Variants in ST6GALNAC3 observed in about 807,000 individuals in gnomAD.
ST6GALNAC3 encodes ST6 N-acetylgalactosaminide alpha-2,6-sialyltransferase 3.
In ST6GALNAC3, 25 loss-of-function variants were observed where a neutral mutation model predicts 32.7. The observed-to-expected ratio is 0.76, with a 90% confidence interval of 0.56 to 1.07. The LOEUF is 1.07. Among genes scored for constraint, ST6GALNAC3 ranks in the 50% least tolerant of loss-of-function variants. The pLI is 0.00. For missense variants in ST6GALNAC3, 355 were observed against 382.4 expected (o/e 0.93, Z 0.60); for synonymous variants, 129 against 133.1 (o/e 0.97, Z 0.21).
At chr1:76,497,792 T>G (rs1015407031) in intron 3 of ST6GALNAC3, among the ~76,000 whole-genome samples, 2 of 152,188 alleles carry the variant, frequency 1.3e-5, no homozygotes, top group Non-Finnish European at 2.9e-5. Context: ...TCTCAACGGC[T>G]GAAGACTGAT....
At chr1:76,352,687 A>G (rs1342196139) in intron 2 of ST6GALNAC3, among the ~76,000 whole-genome samples, 2 of 151,968 alleles carry the variant, frequency 1.3e-5, no homozygotes, top group Non-Finnish European at 2.9e-5. Context: ...TGACTTGTAT[A>G]TTCCATTACC....
chr1:76,585,875 T>C lies in ST6GALNAC3; in HGVS notation c.624-41577T>C, dbSNP rs117928624. On this transcript the variant is annotated intron_variant, in intron 3 of 4. Coordinates refer to ENST00000328299, the MANE Select transcript of ST6GALNAC3 (RefSeq NM_152996.4). ...ATTATGCATCTCAAAGTCTGTGGCA[T>C]TGAGAAGTCACTGGCCTGGAATACC... Among the ~76,000 whole-genome samples the C allele has an allele frequency of 1.6e-3, 242 of 152,312 alleles. 3 individuals are homozygous for C. Among genetic ancestry groups the C allele is most frequent in the East Asian group, 0.013 (67 of 5,180 alleles).
At chr1:76,413,042 T>A in intron 3 of ST6GALNAC3, 1 of 316,344 alleles carries the variant, frequency 3.2e-6, no homozygotes, top group South Asian at 2.7e-5. Flanking sequence ...AAAACCAATT[T>A]GCATTTTTTA....
At chr1:76,371,500 G>T (rs1235956591) in intron 2 of ST6GALNAC3, among the ~76,000 whole-genome samples, 1 of 152,166 alleles carries the variant, frequency 6.6e-6, no homozygotes, top group Non-Finnish European at 1.5e-5. Context: ...ATATGTTGGA[G>T]ACAGAAAAGC....
At chr1:76,627,422 T>C (rs1350904369) in intron 3 of ST6GALNAC3, 30 bp from the exon 4 acceptor site, 5 of 1,421,666 alleles carry the variant, frequency 3.5e-6, no homozygotes, top group Non-Finnish European at 5.0e-6. Flanking sequence ...TTTTGTTCTG[T>C]TTGTTATTGT....
intron 1 of ST6GALNAC3, among the ~76,000 whole-genome samples, chr1:76,257,435 A>G (rs1657982668): frequency 6.6e-6 from 1 of 152,120 alleles, no homozygotes; most frequent in African/African-American, 2.4e-5. Context: ...ATTCTGATTT[A>G]GTACATTTGG....
Position 76,625,800 on chromosome 1 carries a change from C to A in ST6GALNAC3, c.624-1652C>A, listed in dbSNP as rs768158157. ...CATCTATTGCTGCCCCATGTTGCTG[C>A]TACTGTCACAGAGGAAAGTGCATGT... On this transcript the variant is annotated intron_variant, in intron 3 of 4. Transcript: ENST00000328299. 9.3e-4 allele frequency among the ~76,000 whole-genome samples: 142 copies of A among 152,000 alleles called. 1 individual carries two copies. The highest frequency in any genetic ancestry group is 2.5e-4 in the Non-Finnish European group (17 of 67,888).
chr1:76,363,513 C>T (rs1480905398), intron 2 of ST6GALNAC3, among the ~76,000 whole-genome samples: 3 of 152,174 alleles, frequency 2.0e-5, no homozygotes, highest in African/African-American at 7.2e-5. Context: ...CTTCTGAGCC[C>T]TCCAACTGTT....
chr1:76,538,049 G>A (rs1663735155), intron 3 of ST6GALNAC3, among the ~76,000 whole-genome samples: 2 of 151,926 alleles, frequency 1.3e-5, no homozygotes, highest in Non-Finnish European at 2.9e-5. Context: ...TACCAAGACA[G>A]GGAAGAAGCA....
In ST6GALNAC3 at chr1:76,361,008, T is replaced by A. The variant is rs192728231; in HGVS notation, c.213+47009T>A. On this transcript the variant is annotated intron_variant, in intron 2 of 4. Transcript: ENST00000328299. ...CATGGACCTCTGATTTCTCTCCAAA[T>A]GAGTGATGAATTAAATGTAAATAAG... Among the ~76,000 whole-genome samples, 25 of 152,174 alleles carry A rather than the reference T, an allele frequency of 1.6e-4. No individual in the cohort carries two copies. The East Asian group carries it at 4.4e-3, about 27-fold the overall frequency.
At chr1:76,137,679 T>A (rs1426428687) in intron 1 of ST6GALNAC3, among the ~76,000 whole-genome samples, 1 of 149,818 alleles carries the variant, frequency 6.7e-6, no homozygotes, top group East Asian at 1.9e-4. Context: ...TAAGTTGCAG[T>A]CATGTCCCTG....
At chr1:76,480,086 G>C (rs1659624241) in intron 3 of ST6GALNAC3, among the ~76,000 whole-genome samples, 1 of 152,106 alleles carries the variant, frequency 6.6e-6, no homozygotes. Context: ...GGAAATAATA[G>C]AGAAAGATTA....
At chr1:76,484,633 G>A (rs1022856335) in intron 3 of ST6GALNAC3, among the ~76,000 whole-genome samples, 1 of 152,166 alleles carries the variant, frequency 6.6e-6, no homozygotes, top group Non-Finnish European at 1.5e-5. Flanking sequence ...CTGAGACAAT[G>A]GGGTTTTCTA....
intron 3 of ST6GALNAC3, among the ~76,000 whole-genome samples, chr1:76,532,079 C>T (rs562804293): frequency 6.6e-6 from 1 of 152,162 alleles, no homozygotes; most frequent in African/African-American, 2.4e-5. Flanking sequence ...TCATATCTGA[C>T]CCCAAATTAT....
intron 1 of ST6GALNAC3, among the ~76,000 whole-genome samples, chr1:76,195,948 T>A (rs1654182063): frequency 6.6e-6 from 1 of 152,020 alleles, no homozygotes; most frequent in South Asian, 2.1e-4. Context: ...TTGCAAGGAG[T>A]CTTAGAGCTC....
rs10528375 is a variant in ST6GALNAC3, at chr1:76,108,861, AGTGTGTGTGTGTGT to A, written c.18+34002_18+34015del. Among the ~76,000 whole-genome samples, 553 of 149,880 alleles carry A rather than the reference AGTGTGTGTGTGTGT, an allele frequency of 3.7e-3. 5 individuals carry two copies. The highest frequency in any genetic ancestry group is 0.012 in the African/African-American group (504 of 40,932). On this transcript the variant is annotated intron_variant, in intron 1 of 4. Coordinates refer to ENST00000328299, the MANE Select transcript of ST6GALNAC3 (RefSeq NM_152996.4). ...AATGAGTTCTGAAATCTGTAGACAT[AGTGTGTGTGTGTGT>A]GTGTGTGTGTGTGTGTGTGTGTGTT...
intron 1 of ST6GALNAC3, among the ~76,000 whole-genome samples, chr1:76,308,490 T>C (rs550584722): frequency 9.8e-5 from 15 of 152,294 alleles, no homozygotes; most frequent in African/African-American, 3.6e-4. Context: ...ATCTAATTGG[T>C]GGTTGTTAAA....
chr1:76,414,038 T>G (rs1354925322), intron 3 of ST6GALNAC3, among the ~76,000 whole-genome samples: 1 of 152,084 alleles, frequency 6.6e-6, no homozygotes, highest in African/African-American at 2.4e-5. Context: ...TGTTTTTATG[T>G]GTTTATTTCA....
In ST6GALNAC3 at chr1:76,218,435, AC is replaced by A. The variant is rs1231075014; in HGVS notation, c.19-95368del. On this transcript the variant is annotated intron_variant, in intron 1 of 4. Transcript: ENST00000328299. ...CTCAATCAGCAAATCTTTATTGAGT[AC>A]CTTCCATCAGATAGATTCTCCAGCC... Among the ~76,000 whole-genome samples the A allele has an allele frequency of 9.2e-5, 14 of 152,320 alleles. No homozygotes were observed. In the South Asian group the frequency reaches 2.9e-3, roughly 32 times the overall value.
Sources: gnomAD v4.1 joint callset for allele counts (sites outside exome capture counted in the v4.1 genomes callset) on GRCh38, gnomAD v4.1.1 for gene constraint, MANE v1.5 for transcripts, NCBI Gene and HGNC (gene_info 2026-07-23, HGNC 2026-07-21) for gene names.